The following NEGR1 variants were observed in gnomAD, a reference collection of about 807,000 sequenced individuals.
NEGR1 encodes IgLON family member 4.
A neutral mutation model predicts 40.9 loss-of-function variants in NEGR1; 10 were observed. That is an observed-to-expected ratio of 0.24 (90% confidence interval 0.15 to 0.42). The LOEUF is 0.42. NEGR1 is among the 10% of genes least tolerant of loss of function. NEGR1 has a pLI of 1.00. For missense variants in NEGR1, 352 were observed against 438.9 expected (o/e 0.80, Z 1.77); for synonymous variants, 185 against 166.8 (o/e 1.11, Z -0.84).
intron 2 of NEGR1, among the ~76,000 whole-genome samples, chr1:71,781,963 A>G (rs1311274469): frequency 6.6e-6 from 1 of 152,184 alleles, no homozygotes; most frequent in Middle Eastern, 3.2e-3. Flanking sequence ...AAACAGCGAA[A>G]TGTACATTAG....
chr1:72,133,858 TTAA>T (rs1650348165), intron 1 of NEGR1, among the ~76,000 whole-genome samples: 1 of 151,964 alleles, frequency 6.6e-6, no homozygotes, highest in Admixed American at 6.5e-5. Flanking sequence ...TATGAATATT[TTAA>T]TAATCGAGTT....
At chr1:71,839,823 T>C (rs1659173982) in intron 2 of NEGR1, among the ~76,000 whole-genome samples, 1 of 152,170 alleles carries the variant, frequency 6.6e-6, no homozygotes, top group Non-Finnish European at 1.5e-5. Context: ...CACTTCAAAG[T>C]GCTTCTTTTG....
chr1:71,810,145 A>G (rs955029062), intron 2 of NEGR1, among the ~76,000 whole-genome samples: 4 of 152,126 alleles, frequency 2.6e-5, no homozygotes, highest in African/African-American at 9.7e-5. Context: ...GCAATGACAG[A>G]CAGCAGAGCA....
At chr1:71,872,907 C>T (rs1311218989) in intron 2 of NEGR1, among the ~76,000 whole-genome samples, 3 of 151,978 alleles carry the variant, frequency 2.0e-5, no homozygotes, top group Non-Finnish European at 4.4e-5. Context: ...CTTTTTACTT[C>T]ATTTCTTGTT....
chr1:72,120,514 CT>C (rs146818315), intron 1 of NEGR1, among the ~76,000 whole-genome samples: 2,232 of 148,916 alleles, frequency 0.015, 23 homozygotes, highest in Middle Eastern at 0.034. Flanking sequence ...TTTTTTCTTT[CT>C]TTTTTTTATC....
At chr1:72,030,896 AC>A (rs1422466707) in intron 1 of NEGR1, among the ~76,000 whole-genome samples, 1 of 152,202 alleles carries the variant, frequency 6.6e-6, no homozygotes, top group Non-Finnish European at 1.5e-5. Flanking sequence ...GGAAAAAAAA[AC>A]AACTGAAGGA....
intron 2 of NEGR1, among the ~76,000 whole-genome samples, chr1:71,918,428 C>G (rs1661665650): frequency 6.6e-6 from 1 of 151,792 alleles, no homozygotes; most frequent in Non-Finnish European, 1.5e-5. Context: ...GCCAGCAACT[C>G]TCCATGAGAG....
At chr1:71,618,520 G>A (rs1384885470) in intron 4 of NEGR1, among the ~76,000 whole-genome samples, 1 of 152,060 alleles carries the variant, frequency 6.6e-6, no homozygotes, top group East Asian at 1.9e-4. Flanking sequence ...GGAGTAGACT[G>A]GAAAAGCAAC....
chr1:71,689,887 T>C (rs1447545626), intron 4 of NEGR1, among the ~76,000 whole-genome samples: 1 of 151,734 alleles, frequency 6.6e-6, no homozygotes. Flanking sequence ...ACAGTAAATA[T>C]CATTAACAGA....
chr1:72,014,639 A>C (rs1278567911), intron 1 of NEGR1, among the ~76,000 whole-genome samples: 2 of 152,088 alleles, frequency 1.3e-5, no homozygotes, highest in Middle Eastern at 3.4e-3. Context: ...ATAAAATAAC[A>C]ATATTATATT....
At chr1:71,528,005 T>C (rs533354797) in intron 6 of NEGR1, among the ~76,000 whole-genome samples, 1 of 151,462 alleles carries the variant, frequency 6.6e-6, no homozygotes, top group East Asian at 2.0e-4. Context: ...GTAGCTTTTG[T>C]CAGGAAACTA....
At chr1:71,845,482 C>A (rs1659374303) in intron 2 of NEGR1, among the ~76,000 whole-genome samples, 1 of 152,154 alleles carries the variant, frequency 6.6e-6, no homozygotes, top group Non-Finnish European at 1.5e-5. Context: ...GCCCCAATTT[C>A]TTCACCAAGT....
chr1:71,928,444 A>G (rs61765308), intron 2 of NEGR1, among the ~76,000 whole-genome samples: 6,878 of 86,584 alleles, frequency 0.079, 493 homozygotes, highest in Admixed American at 0.16. Context: ...ATACACATAT[A>G]TATGTATATA....
chr1:71,994,117 T>C (rs1260075192), intron 1 of NEGR1, among the ~76,000 whole-genome samples: 1 of 152,176 alleles, frequency 6.6e-6, no homozygotes, highest in African/African-American at 2.4e-5. Context: ...TTAGATTACT[T>C]CCCAAATGTC....
chr1:71,870,770 A>C (rs1382942656), intron 2 of NEGR1, among the ~76,000 whole-genome samples: 3 of 152,176 alleles, frequency 2.0e-5, no homozygotes, highest in Admixed American at 1.3e-4. Context: ...TTATTCATTC[A>C]AATCTGTGTG....
chr1:71,533,340 A>G (rs1360127426), intron 6 of NEGR1, among the ~76,000 whole-genome samples: 2 of 151,664 alleles, frequency 1.3e-5, no homozygotes, highest in African/African-American at 2.4e-5. Flanking sequence ...AATATGTTCT[A>G]TAAATAAAAA....
intron 6 of NEGR1, among the ~76,000 whole-genome samples, chr1:71,564,880 A>G (rs1648568101): frequency 1.3e-5 from 2 of 152,114 alleles, no homozygotes; most frequent in African/African-American, 4.8e-5. Context: ...TTCCAAGGTC[A>G]CCTATTGCAG....
chr1:71,422,140 A>C (rs1196727525), intron 6 of NEGR1, among the ~76,000 whole-genome samples: 3 of 152,200 alleles, frequency 2.0e-5, no homozygotes, highest in Non-Finnish European at 4.4e-5. Flanking sequence ...CCACTTCTGA[A>C]TTAGGAACAA....
In NEGR1 at chr1:72,074,570, G is replaced by A. The variant is rs573527408; in HGVS notation, c.177-139259C>T. Among the ~76,000 whole-genome samples, 121 of 151,932 alleles carry A rather than the reference G, an allele frequency of 8.0e-4. 1 individual carries two copies. Among genetic ancestry groups the A allele is most frequent in the African/African-American group, 2.8e-3 (115 of 41,466 alleles). ...CTCCTACTTCTACGTCATTAAAAAA[G>A]CGTTGACTTTTCGACGTAAGTGAAA... On this transcript the variant is annotated intron_variant, in intron 1 of 6. Transcript: ENST00000357731.
Sources: allele counts gnomAD v4.1 joint callset (sites outside exome capture counted in the v4.1 genomes callset), GRCh38; gene constraint gnomAD v4.1.1; transcripts MANE v1.5; gene names NCBI Gene and HGNC (gene_info 2026-07-23, HGNC 2026-07-21).